Variants in PACSIN2 observed in about 807,000 individuals in gnomAD.
The protein encoded by PACSIN2 is protein kinase C and casein kinase substrate in neurons 2, also known as protein kinase C and casein kinase substrate in neurons protein 2.
Under a neutral mutation model 63.8 loss-of-function variants are expected in PACSIN2, and 25 were observed. The observed-to-expected ratio is 0.39, with a 90% confidence interval of 0.29 to 0.55. The LOEUF (loss-of-function observed/expected upper bound fraction) is 0.55. Among genes scored for constraint, PACSIN2 ranks in the 20% least tolerant of loss-of-function variants. PACSIN2 has a pLI of 0.62. For missense variants in PACSIN2, 518 were observed against 646.9 expected (o/e 0.80, Z 2.16); for synonymous variants, 255 against 256.2 (o/e 1.00, Z 0.05).
chr22:42,964,916 A>G (rs1920940524), intron 1 of PACSIN2, among the ~76,000 whole-genome samples: 1 of 152,058 alleles, frequency 6.6e-6, no homozygotes, highest in Admixed American at 6.6e-5. Context: ...TTGGATAAAA[A>G]GAAGATTCCC....
intron 1 of PACSIN2, among the ~76,000 whole-genome samples, chr22:42,953,905 G>A (rs746191496): frequency 2.0e-5 from 3 of 152,244 alleles, no homozygotes; most frequent in Admixed American, 6.5e-5. Flanking sequence ...AGCCAGGGAA[G>A]AGAGGAATGC....
intron 1 of PACSIN2, among the ~76,000 whole-genome samples, chr22:42,959,034 A>T (rs1186533369): frequency 1.3e-5 from 2 of 152,200 alleles, no homozygotes; most frequent in Non-Finnish European, 2.9e-5. Context: ...TTGTTACCCG[A>T]CAAAAATATA....
intron 1 of PACSIN2, among the ~76,000 whole-genome samples, chr22:42,986,599 GT>G (rs1172181616): frequency 6.6e-6 from 1 of 152,084 alleles, no homozygotes; most frequent in Non-Finnish European, 1.5e-5. Flanking sequence ...CTAATGGGGG[GT>G]GAAGATACAC....
intron 1 of PACSIN2, among the ~76,000 whole-genome samples, chr22:42,914,232 TCA>T (rs1354894700): frequency 6.6e-6 from 1 of 152,046 alleles, no homozygotes; most frequent in East Asian, 1.9e-4. Context: ...ATGCCACCTC[TCA>T]CAGTAATTTT....
intron 1 of PACSIN2, among the ~76,000 whole-genome samples, chr22:42,992,929 T>C (rs1253092509): frequency 6.6e-6 from 1 of 152,190 alleles, no homozygotes; most frequent in Non-Finnish European, 1.5e-5. Flanking sequence ...TCTGGGAGGC[T>C]GAGGCGGGCA....
In PACSIN2 at chr22:42,882,211, G is replaced by A; in HGVS notation, c.879C>T (p.Gly293=). ...LRWFRANHGP[G]MAMNWPQFEE... ...CAAACTGCGGCCAGTTCATGGCCAT[G>A]CCCGGCCCGTGATTGGCTCGGAACC... The change falls in exon 7 of 11, where the codon GGC becomes GGT. Residue 293 remains glycine (G), a synonymous_variant. Transcript: ENST00000263246. The A allele has an allele frequency of 6.2e-7, 1 of 1,614,026 alleles. No homozygotes were observed. The highest frequency in any genetic ancestry group is 8.5e-7 in the Non-Finnish European group (1 of 1,179,976).
intron 1 of PACSIN2, among the ~76,000 whole-genome samples, chr22:42,930,554 T>C (rs990698597): frequency 6.6e-5 from 10 of 152,204 alleles, no homozygotes; most frequent in Non-Finnish European, 1.0e-4. Context: ...TTGAAAATGA[T>C]TGTCTTTTAA....
intron 1 of PACSIN2, among the ~76,000 whole-genome samples, chr22:42,951,456 C>T (rs1933687808): frequency 6.6e-6 from 1 of 152,182 alleles, no homozygotes; most frequent in Non-Finnish European, 1.5e-5. Context: ...CTCAGCCTCT[C>T]CCTGAGCTCC....
At chr22:42,899,116 A>T (rs1213727894) in intron 2 of PACSIN2, among the ~76,000 whole-genome samples, 1 of 152,078 alleles carries the variant, frequency 6.6e-6, no homozygotes, top group Non-Finnish European at 1.5e-5. Flanking sequence ...GGGCCCTAAG[A>T]GGGTGTGGAC....
intron 1 of PACSIN2, among the ~76,000 whole-genome samples, chr22:42,914,902 T>A (rs1376854991): frequency 6.6e-6 from 1 of 152,156 alleles, no homozygotes; most frequent in Non-Finnish European, 1.5e-5. Context: ...TTGTCTGTCA[T>A]CCAAGCTGGA....
intron 1 of PACSIN2, among the ~76,000 whole-genome samples, chr22:42,944,869 G>A (rs1933341753): frequency 6.6e-6 from 1 of 152,156 alleles, no homozygotes; most frequent in Non-Finnish European, 1.5e-5. Context: ...AGGCCAAGAT[G>A]GGTGGATCAC....
At chr22:42,924,470 C>A (rs189054729) in intron 1 of PACSIN2, among the ~76,000 whole-genome samples, 1 of 152,298 alleles carries the variant, frequency 6.6e-6, no homozygotes, top group Admixed American at 6.5e-5. Flanking sequence ...AACAGTGTGA[C>A]CCTCTCAAAA....
At chr22:42,963,444 C>T (rs1031544468) in intron 1 of PACSIN2, among the ~76,000 whole-genome samples, 1 of 152,196 alleles carries the variant, frequency 6.6e-6, no homozygotes, top group Non-Finnish European at 1.5e-5. Flanking sequence ...ATTCTTTCGC[C>T]CAGCGGTCAG....
chr22:42,908,456 C>G (rs1931232830), intron 2 of PACSIN2, among the ~76,000 whole-genome samples: 1 of 152,334 alleles, frequency 6.6e-6, no homozygotes, highest in Non-Finnish European at 1.5e-5. Flanking sequence ...ACACCAGCTC[C>G]CAGAACCAAA....
chr22:42,998,201 G>A (rs1478306226), intron 1 of PACSIN2, among the ~76,000 whole-genome samples: 2 of 152,248 alleles, frequency 1.3e-5, no homozygotes, highest in Non-Finnish European at 2.9e-5. Context: ...CCATGAGAGT[G>A]AGACACATCA....
chr22:42,976,698 A>G (rs971748184), intron 1 of PACSIN2, among the ~76,000 whole-genome samples: 1 of 152,260 alleles, frequency 6.6e-6, no homozygotes, highest in Non-Finnish European at 1.5e-5. Flanking sequence ...ATTGTGATGT[A>G]TAACATTAAC....
intron 1 of PACSIN2, 79 bp from the exon 2 acceptor site, chr22:42,912,236 C>T (rs1222196050): frequency 8.6e-6 from 5 of 583,134 alleles, no homozygotes; most frequent in African/African-American, 1.9e-5. Flanking sequence ...TTCACAACTT[C>T]CCGTTTCTAA....
intron 1 of PACSIN2, among the ~76,000 whole-genome samples, chr22:42,961,292 T>C (rs1009003018): frequency 5.3e-5 from 8 of 152,362 alleles, no homozygotes; most frequent in Non-Finnish European, 8.8e-5. Context: ...TTTGAAAATC[T>C]TGTGTTTAGA....
Position 42,890,947 on chromosome 22 carries a change from C to G in PACSIN2, c.453G>C (p.Glu151Asp). The G allele has an allele frequency of 6.2e-7, 1 of 1,613,346 alleles. No homozygotes were observed. The highest frequency in any genetic ancestry group is 8.5e-7 in the Non-Finnish European group (1 of 1,179,422). ...AQKPWAKKLK[E>D]VEAAKKAHHA... ...AGGGAAGCCTGCAGGACAGATGTAC[C>G]TCTTTCAGCTTCTTGGCCCAGGGCT... The change falls in exon 4 of 11, where the codon GAG becomes GAC. Residue 151 changes from glutamate (E) to aspartate (D), a missense_variant and splice_region_variant. This residue lies in a region of PACSIN2 where 507 missense variants were observed against 612.3 expected (regional missense o/e 0.83). Coordinates refer to ENST00000263246, the MANE Select transcript of PACSIN2 (RefSeq NM_001184970.3).
Sources: gnomAD v4.1 joint callset for allele counts (sites outside exome capture counted in the v4.1 genomes callset) on GRCh38, gnomAD v4.1.1 for gene constraint, gnomAD v4.1.1 regional missense constraint, MANE v1.5 for transcripts, NCBI Gene and HGNC (gene_info 2026-07-23, HGNC 2026-07-21) for gene names.